DISC1: variants seen among roughly 807,000 people sequenced by gnomAD.
DISC1 encodes the protein DISC1 scaffold protein.
In DISC1, 57 loss-of-function variants were observed where a neutral mutation model predicts 84.5. The observed-to-expected ratio is 0.67, with a 90% confidence interval of 0.55 to 0.84. The LOEUF is 0.84. DISC1 is among the 40% of genes least tolerant of loss of function. The pLI, the probability that DISC1 is intolerant of heterozygous loss-of-function variation, is 0.00. For synonymous variants in DISC1, 411 were observed against 415.2 expected (o/e 0.99, Z 0.12); for missense variants, 1,000 against 1,057.8 (o/e 0.95, Z 0.76).
rs568092691 is a variant in DISC1 at position 231,774,569 on chromosome 1, G to A, written c.1634+3499G>A. ...CTTTGAGGTGCAGGGAGGTATCGCC[G>A]CATCTGGAGGGCAGTGTGGGCTGTG... On this transcript the variant is annotated intron_variant, in intron 6 of 12. Transcript: ENST00000439617. The A allele has an allele frequency of 9.9e-5, 38 of 382,016 alleles. 2 individuals are homozygous for A. Among genetic ancestry groups the A allele is most frequent in the South Asian group, 5.2e-4 (27 of 51,538 alleles). 23.7% of individuals were successfully genotyped at this position (382,016 alleles called of 1,614,324 possible).
At chr1:231,800,398 T>C (rs368240210) in intron 8 of DISC1, among the ~76,000 whole-genome samples, 188 bp downstream of exon 8, 166 of 152,292 alleles carry the variant, frequency 1.1e-3, no homozygotes, top group African/African-American at 3.8e-3. Flanking sequence ...AGTACCGTAT[T>C]TGGGATTTCT....
chr1:231,942,771 C>T (rs1166062787), intron 9 of DISC1, among the ~76,000 whole-genome samples: 2 of 152,216 alleles, frequency 1.3e-5, no homozygotes, highest in African/African-American at 4.8e-5. Context: ...TGAGTTGTAC[C>T]AGCAGGGACA....
At chr1:232,028,405 G>A (rs1669678703) in intron 12 of DISC1, among the ~76,000 whole-genome samples, 1 of 152,122 alleles carries the variant, frequency 6.6e-6, no homozygotes, top group African/African-American at 2.4e-5. Flanking sequence ...TGATTCTGGG[G>A]AATTGGATCT....
intron 1 of DISC1, among the ~76,000 whole-genome samples, chr1:231,674,268 C>T (rs977735360): frequency 6.6e-6 from 1 of 151,866 alleles, no homozygotes; most frequent in Non-Finnish European, 1.5e-5. Context: ...TTTCCAATCC[C>T]TCTCTGATTT....
intron 9 of DISC1, among the ~76,000 whole-genome samples, chr1:231,952,110 AAAAG>A (rs1379121329): frequency 3.3e-5 from 5 of 149,666 alleles, no homozygotes; most frequent in East Asian, 1.9e-4. Flanking sequence ...AAAAAAAAAA[AAAAG>A]AAAAGAAAAG....
intron 1 of DISC1, among the ~76,000 whole-genome samples, chr1:231,654,393 T>C (rs1409650812): frequency 6.6e-6 from 1 of 152,180 alleles, no homozygotes; most frequent in African/African-American, 2.4e-5. Context: ...CTTTCATATA[T>C]TTATTCACTA....
chr1:231,651,467 A>G (rs1476137626), intron 1 of DISC1, among the ~76,000 whole-genome samples: 1 of 152,188 alleles, frequency 6.6e-6, no homozygotes, highest in East Asian at 1.9e-4. Context: ...GCGTTGTCCC[A>G]GAGAGGTGCC....
chr1:231,702,182 T>A, intron 3 of DISC1, 158 bp downstream of exon 3: 1 of 1,395,024 alleles, frequency 7.2e-7, no homozygotes, highest in Non-Finnish European at 9.2e-7. Context: ...GCATTATTGT[T>A]TTGTAGATTT....
intron 3 of DISC1, among the ~76,000 whole-genome samples, chr1:231,731,826 G>A (rs544242770): frequency 6.6e-6 from 1 of 152,270 alleles, no homozygotes; most frequent in Admixed American, 6.5e-5. Context: ...CTGCCTCACA[G>A]CCAAGGCAAT....
chr1:231,918,421 C>A (rs186239008), intron 9 of DISC1, among the ~76,000 whole-genome samples: 1 of 152,126 alleles, frequency 6.6e-6, no homozygotes, highest in Non-Finnish European at 1.5e-5. Context: ...CTCCAAGAAG[C>A]CTTTCAGATT....
intron 3 of DISC1, among the ~76,000 whole-genome samples, chr1:231,732,211 G>T (rs74884724): frequency 0.013 from 1,922 of 152,300 alleles, 18 homozygotes; most frequent in Non-Finnish European, 0.017. Context: ...GCATAGCAAG[G>T]CTTGACAGAT....
chr1:232,013,594 G>A (rs1342316006), intron 11 of DISC1, among the ~76,000 whole-genome samples: 1 of 152,098 alleles, frequency 6.6e-6, no homozygotes, highest in Non-Finnish European at 1.5e-5. Flanking sequence ...CAAAGACCCA[G>A]GAAAAACTAT....
rs146544919 is a variant in DISC1 at position 231,682,318 on chromosome 1, A to T, written c.68-11508A>T. ...TCCCTTTGGCACATCTGTTTTGGGC[A>T]GATAAAGGGAGTTTAGAGAAAACCT... On this transcript the variant is annotated intron_variant, in intron 1 of 12. Transcript: ENST00000439617. Among the ~76,000 whole-genome samples the T allele has an allele frequency of 3.8e-3, 584 of 152,332 alleles. 1 individual carries two copies. Among genetic ancestry groups the T allele is most frequent in the South Asian group, 8.5e-3 (41 of 4,826 alleles).
intron 9 of DISC1, among the ~76,000 whole-genome samples, chr1:231,933,119 A>G (rs1194403068): frequency 6.6e-6 from 1 of 152,050 alleles, no homozygotes; most frequent in Non-Finnish European, 1.5e-5. Context: ...TATTTCCTTG[A>G]CTCCTTATAG....
chr1:232,030,882 G>A (rs941254342), intron 12 of DISC1, among the ~76,000 whole-genome samples: 1 of 152,122 alleles, frequency 6.6e-6, no homozygotes, highest in African/African-American at 2.4e-5. Flanking sequence ...GGAGGCTGAG[G>A]TGGATGGATT....
intron 8 of DISC1, among the ~76,000 whole-genome samples, chr1:231,808,871 A>G (rs79639045): frequency 0.027 from 4,088 of 152,326 alleles, 130 homozygotes; most frequent in African/African-American, 0.078. Flanking sequence ...GGCAATATAC[A>G]CCACAGTAGG....
At chr1:231,987,710 T>C (rs1664647015) in intron 10 of DISC1, among the ~76,000 whole-genome samples, 1 of 152,208 alleles carries the variant, frequency 6.6e-6, no homozygotes, top group South Asian at 2.1e-4. Flanking sequence ...TCCTAGTTCT[T>C]TGGTATTAGC....
At chr1:231,946,978 A>C (rs1440298168) in intron 9 of DISC1, among the ~76,000 whole-genome samples, 1 of 152,240 alleles carries the variant, frequency 6.6e-6, no homozygotes, top group East Asian at 1.9e-4. Context: ...ATGGAAAAAC[A>C]TTCCATGCTC....
chr1:231,757,892 G>A (rs1010998508), intron 4 of DISC1, among the ~76,000 whole-genome samples: 1 of 151,466 alleles, frequency 6.6e-6, no homozygotes, highest in Non-Finnish European at 1.5e-5. Flanking sequence ...GCCTCCCTCC[G>A]ATTCCCTCCA....
Sources: gnomAD v4.1 joint callset for allele counts (sites outside exome capture counted in the v4.1 genomes callset) on GRCh38, gnomAD v4.1.1 for gene constraint, MANE v1.5 for transcripts, NCBI Gene and HGNC (gene_info 2026-07-23, HGNC 2026-07-21) for gene names.